Variants in ARFIP1 observed in about 807,000 individuals in gnomAD.
ARFIP1 encodes the protein arfaptin-1.
Under a neutral mutation model 42.5 loss-of-function variants are expected in ARFIP1, and 24 were observed. The observed-to-expected ratio is 0.57, with a 90% CI of 0.41 to 0.80. ARFIP1 has a LOEUF of 0.80. Ranked by LOEUF, ARFIP1 falls within the 30% of genes least tolerant of loss-of-function variation. The pLI is 0.00. For missense variants in ARFIP1, 354 were observed against 434.0 expected (o/e 0.82, Z 1.64); for synonymous variants, 141 against 153.7 (o/e 0.92, Z 0.61).
chr4:152,909,539 ATAAT>A (rs1162804890), intron 8 of ARFIP1, among the ~76,000 whole-genome samples: 1 of 152,212 alleles, frequency 6.6e-6, no homozygotes, highest in African/African-American at 2.4e-5. Context: ...GCAGTTGAAA[ATAAT>A]TGAGAGTCAT....
intron 1 of ARFIP1, among the ~76,000 whole-genome samples, chr4:152,801,025 A>T (rs1262470457): frequency 2.0e-5 from 3 of 152,170 alleles, no homozygotes; most frequent in Non-Finnish European, 4.4e-5. Flanking sequence ...CTGAAGAAAC[A>T]TGATTGGTAG....
At chr4:152,820,704 C>T (rs1268014239) in intron 1 of ARFIP1, among the ~76,000 whole-genome samples, 4 of 152,190 alleles carry the variant, frequency 2.6e-5, no homozygotes, top group African/African-American at 9.7e-5. Flanking sequence ...AATCTGCCCC[C>T]ATGATCCAAT....
intron 1 of ARFIP1, among the ~76,000 whole-genome samples, chr4:152,815,814 G>A (rs1476933642): frequency 3.4e-5 from 5 of 145,632 alleles, no homozygotes; most frequent in Admixed American, 7.0e-5. Context: ...GAGGGATCTC[G>A]GCTCACTGCA....
At chr4:152,850,484 A>G (rs1325859647) in intron 2 of ARFIP1, among the ~76,000 whole-genome samples, 1 of 151,464 alleles carries the variant, frequency 6.6e-6, no homozygotes, top group Non-Finnish European at 1.5e-5. Flanking sequence ...GAGGGCAGTG[A>G]GGAAGGTGAC....
rs962997281 is a variant in ARFIP1 at position 152,882,719 on chromosome 4, T to C, written c.634-4T>C. 17 of 1,612,212 alleles carry C rather than the reference T, an allele frequency of 1.1e-5. No individual in the cohort carries two copies. The highest frequency in any genetic ancestry group is 1.4e-5 in the Non-Finnish European group (17 of 1,179,160). On this transcript the variant is annotated splice_polypyrimidine_tract_variant and splice_region_variant and intron_variant, in intron 6 of 8. Transcript: ENST00000353617. ...AATAAATTAAGGTGACTTCTTTGTT[T>C]TAGGAAGAATTTGGCTATAATGCCG...
At chr4:152,799,041 T>C (rs1731644171) in intron 1 of ARFIP1, among the ~76,000 whole-genome samples, 1 of 152,228 alleles carries the variant, frequency 6.6e-6, no homozygotes, top group African/African-American at 2.4e-5. Context: ...GCATCAGACA[T>C]CACAGTTTTT....
At chr4:152,886,810 T>G (rs1433643901) in intron 7 of ARFIP1, among the ~76,000 whole-genome samples, 1 of 152,018 alleles carries the variant, frequency 6.6e-6, no homozygotes, top group Non-Finnish European at 1.5e-5. Flanking sequence ...AGTGCTCACT[T>G]GAGAATTGTT....
chr4:152,866,905 C>G (rs575654304), intron 3 of ARFIP1, among the ~76,000 whole-genome samples: 55 of 151,190 alleles, frequency 3.6e-4, no homozygotes, highest in African/African-American at 1.2e-3. Flanking sequence ...GATGGGCGGC[C>G]GGGCAGAGAC....
intron 3 of ARFIP1, among the ~76,000 whole-genome samples, chr4:152,866,409 T>C (rs182159087): frequency 0.13 from 19,243 of 151,736 alleles, 1,248 homozygotes; most frequent in Middle Eastern, 0.17. Flanking sequence ...GGGTGGTGGC[T>C]GGGCAGAGGG....
intron 2 of ARFIP1, among the ~76,000 whole-genome samples, chr4:152,830,500 C>T (rs2149846664): frequency 6.6e-6 from 1 of 152,160 alleles, no homozygotes; most frequent in African/African-American, 2.4e-5. Flanking sequence ...ACTTTAAAAA[C>T]AGAGTTTTCG....
intron 1 of ARFIP1, among the ~76,000 whole-genome samples, chr4:152,817,281 A>T (rs577411079): frequency 1.3e-5 from 2 of 152,206 alleles, no homozygotes; most frequent in Non-Finnish European, 2.9e-5. Context: ...AGTAGCCACA[A>T]ATAATCTAGA....
chr4:152,900,291 T>C (rs1209005848), intron 8 of ARFIP1, among the ~76,000 whole-genome samples: 1 of 152,178 alleles, frequency 6.6e-6, no homozygotes, highest in Non-Finnish European at 1.5e-5. Flanking sequence ...TATGTAATTA[T>C]TCGATAAAGA....
chr4:152,892,933 C>G (rs1367642137), intron 8 of ARFIP1, among the ~76,000 whole-genome samples: 3 of 152,154 alleles, frequency 2.0e-5, no homozygotes, highest in Admixed American at 2.0e-4. Context: ...AGTATTTCTT[C>G]TTTTTGAGAC....
At chr4:152,867,485 G>T (rs1246802893) in intron 3 of ARFIP1, among the ~76,000 whole-genome samples, 11 of 152,084 alleles carry the variant, frequency 7.2e-5, no homozygotes, top group African/African-American at 2.7e-4. Flanking sequence ...GGGAGACCGT[G>T]GAAAGAGAGG....
chr4:152,866,535 CGCGCGGGGGCTG>C (rs1734370034), intron 3 of ARFIP1, among the ~76,000 whole-genome samples: 1 of 103,770 alleles, frequency 9.6e-6, no homozygotes, highest in Non-Finnish European at 2.0e-5. Context: ...GGCGGCTGGC[CGCGCGGGGGCTG>C]ACCCCCACCT....
intron 8 of ARFIP1, among the ~76,000 whole-genome samples, chr4:152,896,408 T>C (rs543294268): frequency 1.2e-3 from 178 of 152,314 alleles, no homozygotes; most frequent in Non-Finnish European, 1.9e-3. Flanking sequence ...AGTGAAATAC[T>C]TTGCAGCTAT....
At chr4:152,785,600 G>A (rs1730755200) in intron 1 of ARFIP1, among the ~76,000 whole-genome samples, 1 of 152,202 alleles carries the variant, frequency 6.6e-6, no homozygotes, top group Non-Finnish European at 1.5e-5. Flanking sequence ...ACTGCATCCA[G>A]CATAAGTATT....
At chr4:152,881,212 G>A (rs757241558) in intron 6 of ARFIP1, 28 bp downstream of exon 6, 1 of 1,500,982 alleles carries the variant, frequency 6.7e-7, no homozygotes, top group Non-Finnish European at 9.2e-7. Flanking sequence ...AACTATTAGG[G>A]ATGGGAGAAA....
chr4:152,890,494 C>T (rs994787317), intron 8 of ARFIP1, among the ~76,000 whole-genome samples: 48 of 152,062 alleles, frequency 3.2e-4, no homozygotes, highest in African/African-American at 1.0e-3. Flanking sequence ...AAAATAGAAG[C>T]ACATGTACTA....
Sources: gnomAD v4.1 joint callset for allele counts (sites outside exome capture counted in the v4.1 genomes callset) on GRCh38, gnomAD v4.1.1 for gene constraint, MANE v1.5 for transcripts, NCBI Gene and HGNC (gene_info 2026-07-23, HGNC 2026-07-21) for gene names.